AGO2: variants seen among roughly 807,000 people sequenced by gnomAD.
The protein encoded by AGO2 is argonaute RISC catalytic component 2, also known as protein argonaute-2.
Under a neutral mutation model 102.3 loss-of-function variants are expected in AGO2, and 5 were observed. The ratio of observed to expected loss-of-function variants is 0.05; its 90% CI spans 0.03 to 0.10. The LOEUF (loss-of-function observed/expected upper bound fraction) is 0.10. Among genes scored for constraint, AGO2 ranks in the 10% least tolerant of loss-of-function variants. The pLI, the probability that AGO2 is intolerant of heterozygous loss-of-function variation, is 1.00. For missense variants in AGO2, 541 were observed against 1,183.7 expected (o/e 0.46, Z 7.97); for synonymous variants, 449 against 473.1 (o/e 0.95, Z 0.66).
intron 1 of AGO2, among the ~76,000 whole-genome samples, chr8:140,600,760 A>G (rs1014686214): frequency 1.6e-4 from 24 of 151,170 alleles, no homozygotes; most frequent in Admixed American, 1.1e-3. Flanking sequence ...AGAGGCCTCC[A>G]TGTCTGCTGG....
intron 17 of AGO2, chr8:140,532,830 A>C: frequency 2.0e-6 from 1 of 490,142 alleles, no homozygotes; most frequent in Non-Finnish European, 3.7e-6. Flanking sequence ...CCCCATCTCT[A>C]CTAAAAATAC....
At chr8:140,579,661 G>C (rs552976707) in intron 2 of AGO2, among the ~76,000 whole-genome samples, 5 of 150,826 alleles carry the variant, frequency 3.3e-5, no homozygotes, top group Non-Finnish European at 7.4e-5. Context: ...GGTGTCTTTT[G>C]TTGTTCTTTT....
chr8:140,589,509 T>C lies in AGO2; in HGVS notation c.23-4198A>G, dbSNP rs2073715347. ...CCCATGAATCAGGGGATGTAAACGG[T>C]TAAACATCTGCCACCCAAATGACAT... On this transcript the variant is annotated intron_variant, in intron 1 of 18. Transcript: ENST00000220592. This position sits in a 1 kb window ranked among gnomAD's most constrained non-coding sequence, Gnocchi z 4.2. 6.6e-6 allele frequency among the ~76,000 whole-genome samples: 1 copy of C among 151,848 alleles called. No homozygotes were observed. Among genetic ancestry groups the C allele is most frequent in the Non-Finnish European group, 1.5e-5 (1 of 67,930 alleles).
intron 2 of AGO2, among the ~76,000 whole-genome samples, chr8:140,579,179 C>T (rs565098199): frequency 1.3e-5 from 2 of 151,264 alleles, no homozygotes; most frequent in Middle Eastern, 3.4e-3. Flanking sequence ...GCCATCACTG[C>T]GTCACTGCAC....
intron 1 of AGO2, among the ~76,000 whole-genome samples, chr8:140,609,476 G>A (rs868317120): frequency 2.0e-5 from 3 of 152,300 alleles, no homozygotes; most frequent in South Asian, 2.1e-4. Context: ...ACGGCGGCCC[G>A]CCCATCACCC....
chr8:140,614,043 C>G (rs973581821), intron 1 of AGO2, among the ~76,000 whole-genome samples: 2 of 112,276 alleles, frequency 1.8e-5, no homozygotes, highest in African/African-American at 6.5e-5. Flanking sequence ...AAAAAAAAGG[C>G]CAGACACGGT....
intron 1 of AGO2, among the ~76,000 whole-genome samples, chr8:140,610,437 T>C (rs1177244750): frequency 6.6e-6 from 1 of 152,174 alleles, no homozygotes; most frequent in African/African-American, 2.4e-5. Context: ...CAGGCTGGTA[T>C]TGAACTCCTG....
rs914311093 is a variant in AGO2, at chr8:140,557,876, G to A, written c.878+609C>T. 1.3e-5 allele frequency among the ~76,000 whole-genome samples: 2 copies of A among 152,164 alleles called. No homozygotes were observed. Among genetic ancestry groups the A allele is most frequent in the Admixed American group, 6.5e-5 (1 of 15,278 alleles). On this transcript the variant is annotated intron_variant, in intron 7 of 18. Transcript: ENST00000220592. This position sits in a 1 kb window ranked among gnomAD's most constrained non-coding sequence, Gnocchi z 5.9. ...CCTCTGCCAGGCCACAGGCCCTCTC[G>A]TCCTTCTGCTCCCTCAGCCACGGGC...
chr8:140,539,255 T>C lies in AGO2; in HGVS notation c.2169+65A>G, dbSNP rs2072751122. The C allele has an allele frequency of 1.3e-6, 2 of 1,531,908 alleles. No homozygotes were observed. Among genetic ancestry groups the C allele is most frequent in the Non-Finnish European group, 1.8e-6 (2 of 1,137,796 alleles). The allele number at this position is 1,531,908 out of a possible 1,614,324, so 94.9% of individuals were successfully genotyped here. ...TGTGGCCAGCAGGTTCTCTTGTGAGTGTGCTCGGGGTGTGGGGCTGAGGGG... is the reference window on the plus strand; with the variant it reads ...TGTGGCCAGCAGGTTCTCTTGTGAGCGTGCTCGGGGTGTGGGGCTGAGGGG... On this transcript the variant is annotated intron_variant, in intron 16 of 18. Coordinates refer to ENST00000220592, the MANE Select transcript of AGO2 (RefSeq NM_012154.5). This position sits in a 1 kb window ranked among gnomAD's most constrained non-coding sequence, Gnocchi z 4.7.
intron 1 of AGO2, among the ~76,000 whole-genome samples, chr8:140,617,218 G>A (rs537535995): frequency 8.6e-5 from 13 of 151,986 alleles, no homozygotes; most frequent in South Asian, 6.3e-4. Context: ...GCTCTCGGGC[G>A]CATTGACCTG....
chr8:140,546,870 C>T (rs941597203), intron 13 of AGO2, among the ~76,000 whole-genome samples: 1 of 152,202 alleles, frequency 6.6e-6, no homozygotes, highest in African/African-American at 2.4e-5. Context: ...CCTGGCCCTG[C>T]CCTGGAATAC....
chr8:140,607,536 A>G (rs1429043667), intron 1 of AGO2, among the ~76,000 whole-genome samples: 1 of 147,456 alleles, frequency 6.8e-6, no homozygotes, highest in Non-Finnish European at 1.5e-5. Context: ...ACACGTATGG[A>G]AAAAAACAAA....
intron 11 of AGO2, among the ~76,000 whole-genome samples, chr8:140,549,901 T>C (rs1269618269): frequency 6.6e-6 from 1 of 152,216 alleles, no homozygotes; most frequent in African/African-American, 2.4e-5. Context: ...GGCTTCTATT[T>C]TAAGCCGAAG....
rs1240512477 is a variant in AGO2, at chr8:140,635,192, G to A, written c.22+293C>T. On this transcript the variant is annotated intron_variant, in intron 1 of 18. Transcript: ENST00000220592. ...GCGGGGGATGCGAGGACGCTGGGAC[G>A]CGGGCCCGAGGCGCGGGAGGGGCCC... 3.4e-5 allele frequency among the ~76,000 whole-genome samples: 5 copies of A among 146,212 alleles called. No homozygotes were observed. In the South Asian group the frequency reaches 8.3e-4, roughly 24 times the overall value.
In AGO2 at chr8:140,597,479, C is replaced by G. The variant is rs1233777417; in HGVS notation, c.23-12168G>C. Among the ~76,000 whole-genome samples, 7 of 144,012 alleles carry G rather than the reference C, an allele frequency of 4.9e-5. No individual in the cohort carries two copies. The South Asian group carries it at 1.2e-3, about 25-fold the overall frequency. 94.5% of individuals were successfully genotyped at this position (144,012 alleles called of 152,430 possible). A position where few individuals can be genotyped will look rare whatever the true frequency, so the allele number is the denominator to read the frequency against. On this transcript the variant is annotated intron_variant, in intron 1 of 18. Coordinates refer to ENST00000220592, the MANE Select transcript of AGO2 (RefSeq NM_012154.5). ...GGGGGCTGGGTGGCCCCCCCACCCC[C>G]CCCCCCCCGCCCCAGGCCTCCCTGC...
intron 1 of AGO2, among the ~76,000 whole-genome samples, chr8:140,597,450 C>T (rs976572748): frequency 4.2e-5 from 6 of 144,194 alleles, no homozygotes; most frequent in African/African-American, 1.3e-4. Flanking sequence ...CCACGGACAC[C>T]GATGGGGGCT....
chr8:140,604,604 A>T (rs1588499417), intron 1 of AGO2, among the ~76,000 whole-genome samples: 1 of 152,292 alleles, frequency 6.6e-6, no homozygotes, highest in Middle Eastern at 3.4e-3. Context: ...AGATGGGTGT[A>T]TCATGAGGTC....
intron 18 of AGO2, 35 bp downstream of exon 18, chr8:140,532,381 C>A: frequency 6.3e-7 from 1 of 1,592,650 alleles, no homozygotes; most frequent in East Asian, 2.3e-5. Flanking sequence ...CAAAAACCAC[C>A]CCTGCTGTGA....
intron 11 of AGO2, among the ~76,000 whole-genome samples, chr8:140,551,102 G>C (rs559593944): frequency 6.6e-6 from 1 of 152,328 alleles, no homozygotes; most frequent in East Asian, 1.9e-4. Flanking sequence ...CCAGGAGTGA[G>C]AGGGGCACCA....
Sources: allele counts gnomAD v4.1 joint callset (sites outside exome capture counted in the v4.1 genomes callset), GRCh38; gene constraint gnomAD v4.1.1; non-coding constraint Gnocchi (gnomAD v3.1); transcripts MANE v1.5; gene names NCBI Gene and HGNC (gene_info 2026-07-23, HGNC 2026-07-21).